Variants in NHSL1 observed in about 807,000 individuals in gnomAD.
The protein encoded by NHSL1 is NHS-like protein 1.
NHSL1 carries 48 observed loss-of-function variants against 95.0 expected under a neutral mutation model. The observed-to-expected ratio is 0.51, with a 90% CI of 0.40 to 0.64. The LOEUF (loss-of-function observed/expected upper bound fraction) is 0.64, where lower values mean the gene tolerates loss of function less well. Among genes scored for constraint, NHSL1 ranks in the 30% least tolerant of loss-of-function variants. The probability of loss-of-function intolerance (pLI) is 0.00; values close to 1 mark genes in which losing one functional copy is unlikely to be tolerated. For synonymous variants in NHSL1, 783 were observed against 833.9 expected, an observed-to-expected ratio of 0.94 and a Z score of 1.05; for missense variants, 1,971 against 2,077.7, an observed-to-expected ratio of 0.95 and a Z score of 1.00.
In NHSL1 at chr6:138,458,482, C is replaced by T. The variant is rs58173247; in HGVS notation, c.340-11289G>A. Among the ~76,000 whole-genome samples, 37 of 151,950 alleles carry T rather than the reference C, an allele frequency of 2.4e-4. 1 individual carries two copies. The East Asian group carries it at 5.4e-3, about 22-fold the overall frequency. On this transcript the variant is annotated intron_variant, in intron 3 of 7. Coordinates refer to ENST00000343505, the MANE Select transcript of NHSL1 (RefSeq NM_001144060.2). ...CAAGGTAGGTGGATCACTTGAGGTC[C>T]GGGGGTTCGAGACCAGCCTGGCCAA...
chr6:138,425,220 T>G (rs894366404), intron 7 of NHSL1, among the ~76,000 whole-genome samples: 26 of 152,156 alleles, frequency 1.7e-4, no homozygotes, highest in African/African-American at 6.3e-4. Context: ...GCCTCCCAAG[T>G]AGCTGGGATT....
intron 1 of NHSL1, among the ~76,000 whole-genome samples, chr6:138,634,293 TAATCGGTTGCCTCCAAGAAAC>T (rs1562398255): frequency 6.6e-6 from 1 of 151,308 alleles, no homozygotes; most frequent in Non-Finnish European, 1.5e-5. Flanking sequence ...CAAGACTCAA[TAATCGGTTGCCTCCAAGAAAC>T]ACAATTCACC....
intron 1 of NHSL1, among the ~76,000 whole-genome samples, chr6:138,673,004 C>G (rs2114766070): frequency 6.8e-6 from 1 of 147,226 alleles, no homozygotes; most frequent in African/African-American, 2.5e-5. Flanking sequence ...GAGAGCAAGA[C>G]TGTCTCATAG....
intron 1 of NHSL1, among the ~76,000 whole-genome samples, chr6:138,604,832 G>T (rs762004063): frequency 1.1e-4 from 16 of 151,906 alleles, no homozygotes; most frequent in Non-Finnish European, 2.2e-4. Context: ...CACCATGTTG[G>T]CCAGGCTAGT....
At chr6:138,439,751 G>A (rs1776410847) in intron 5 of NHSL1, among the ~76,000 whole-genome samples, 2 of 151,724 alleles carry the variant, frequency 1.3e-5, no homozygotes, top group South Asian at 2.1e-4. Context: ...GATATTGACT[G>A]TCTCGTGTCT....
chr6:138,581,897 CT>C (rs370719757), intron 1 of NHSL1, among the ~76,000 whole-genome samples: 19,556 of 124,002 alleles, frequency 0.16, 1,231 homozygotes, highest in African/African-American at 0.23. Context: ...CTTTTTCTTT[CT>C]TTTTTTTTTT....
At chr6:138,578,306 G>A (rs1461895796) in intron 1 of NHSL1, among the ~76,000 whole-genome samples, 1 of 152,212 alleles carries the variant, frequency 6.6e-6, no homozygotes, top group Non-Finnish European at 1.5e-5. Flanking sequence ...ACTTGATACA[G>A]AAGCAATATG....
intron 1 of NHSL1, among the ~76,000 whole-genome samples, chr6:138,675,903 T>A (rs1400688597): frequency 6.6e-6 from 1 of 152,206 alleles, no homozygotes; most frequent in African/African-American, 2.4e-5. Context: ...TTGAACAGGC[T>A]TTTGGGGGTT....
chr6:138,578,971 T>C lies in NHSL1; in HGVS notation c.97-82600A>G, dbSNP rs941882866. On this transcript the variant is annotated intron_variant, in intron 1 of 3. Transcript: ENST00000491526. ...AGTTTCATGGAGGACCATTTTTCCATGGACAGCAGGGTAGGGAGTGGTTTC... is the reference window on the plus strand; with the variant it reads ...AGTTTCATGGAGGACCATTTTTCCACGGACAGCAGGGTAGGGAGTGGTTTC... Among the ~76,000 whole-genome samples, 5 of 152,334 alleles carry C rather than the reference T, an allele frequency of 3.3e-5. No homozygotes were observed. In the East Asian group the frequency reaches 9.6e-4, roughly 29 times the overall value.
At chr6:138,651,162 C>A (rs1165933457) in intron 1 of NHSL1, among the ~76,000 whole-genome samples, 1 of 152,228 alleles carries the variant, frequency 6.6e-6, no homozygotes, top group East Asian at 1.9e-4. Flanking sequence ...ATATGTATTA[C>A]AACTGACCTT....
intron 1 of NHSL1, among the ~76,000 whole-genome samples, chr6:138,592,646 A>T (rs1784248001): frequency 6.8e-6 from 1 of 148,072 alleles, no homozygotes; most frequent in Admixed American, 6.8e-5. Flanking sequence ...CAACAAAAAA[A>T]ACCCCTACAT....
chr6:138,475,265 G>A (rs1208515828), intron 2 of NHSL1, among the ~76,000 whole-genome samples: 1 of 151,906 alleles, frequency 6.6e-6, no homozygotes, highest in Non-Finnish European at 1.5e-5. Context: ...TGTCACGCAG[G>A]CTGGAGTGCA....
intron 1 of NHSL1, among the ~76,000 whole-genome samples, chr6:138,523,128 TG>T (rs1370266251): frequency 1.3e-5 from 2 of 151,672 alleles, no homozygotes; most frequent in Admixed American, 1.3e-4. Flanking sequence ...ATCACTCATC[TG>T]GGCAGAATAT....
intron 3 of NHSL1, among the ~76,000 whole-genome samples, chr6:138,455,738 C>A (rs1280041409): frequency 7.8e-6 from 1 of 127,484 alleles, no homozygotes; most frequent in East Asian, 2.5e-4. Flanking sequence ...CTAACGTGTA[C>A]CCCGATGAAC....
rs1781404202 is a variant in NHSL1, at chr6:138,515,092, AG to A, written c.17-18722del. ...TGGATCAGCTGACCACATCCTGGGC[AG>A]GATGGGGCAGGAGGGTGAGAGAGTT... On this transcript the variant is annotated intron_variant, in intron 1 of 4. Transcript: ENST00000342260. Among the ~76,000 whole-genome samples, 7 of 152,244 alleles carry A rather than the reference AG, an allele frequency of 4.6e-5. No individual in the cohort carries two copies. In the South Asian group the frequency reaches 1.5e-3, roughly 32 times the overall value.
Position 138,692,356 on chromosome 6 carries a change from C to T in NHSL1, c.96+120G>A. The T allele has an allele frequency of 3.1e-6, 1 of 324,408 alleles. No individual in the cohort carries two copies. The highest frequency in any genetic ancestry group is 6.1e-6 in the Non-Finnish European group (1 of 164,670). 20.1% of individuals were successfully genotyped at this position (324,408 alleles called of 1,614,324 possible). ...GGGTCCGGCAGTCCCCACTGGAGAC[C>T]CCGACATCGCGGGGCTCCGCGGCCC... On this transcript the variant is annotated intron_variant, in intron 1 of 3. Coordinates refer to the NHSL1 transcript ENST00000491526. The surrounding 1 kb of genome is among the most constrained non-coding windows in gnomAD (Gnocchi z 4.0).
intron 1 of NHSL1, among the ~76,000 whole-genome samples, chr6:138,673,672 C>T (rs1231293333): frequency 6.6e-5 from 10 of 152,134 alleles, no homozygotes. Context: ...TTCCAAGAAA[C>T]TCCTTCTGGA....
In NHSL1 at chr6:138,424,058, C is replaced by T. The variant is rs1204057064; in HGVS notation, c.*23G>A. On this transcript the variant is annotated 3_prime_UTR_variant, in exon 8 of 8. Transcript: ENST00000343505. The surrounding 1 kb of genome is among the most constrained non-coding windows in gnomAD (Gnocchi z 5.9). Reference sequence around the variant, plus strand: ...CATTGCTCGTCTCCCCCCGTGTCACCTGGGAGAGTTACGTTCTTGGCCCTA... The same window carrying T: ...CATTGCTCGTCTCCCCCCGTGTCACTTGGGAGAGTTACGTTCTTGGCCCTA... 15 of 1,359,526 alleles carry T rather than the reference C, an allele frequency of 1.1e-5. No homozygotes were observed. Among genetic ancestry groups the T allele is most frequent in the Non-Finnish European group, 1.4e-5 (15 of 1,058,784 alleles). 84.2% of individuals were successfully genotyped at this position (1,359,526 alleles called of 1,614,324 possible).
At chr6:138,690,819 T>C (rs1435400491) in intron 1 of NHSL1, among the ~76,000 whole-genome samples, 1 of 152,216 alleles carries the variant, frequency 6.6e-6, no homozygotes, top group Non-Finnish European at 1.5e-5. Flanking sequence ...CCTTAGTTAA[T>C]ATGGAGAATT....
Sources: allele counts gnomAD v4.1 joint callset (sites outside exome capture counted in the v4.1 genomes callset), GRCh38; gene constraint gnomAD v4.1.1; non-coding constraint Gnocchi (gnomAD v3.1); transcripts MANE v1.5; gene names NCBI Gene and HGNC (gene_info 2026-07-23, HGNC 2026-07-21).